SRD5A2: variants seen among roughly 807,000 people sequenced by gnomAD.
SRD5A2 encodes steroid 5 alpha-reductase 2, also known as 3-oxo-5-alpha-steroid 4-dehydrogenase 2.
Under a neutral mutation model 27.4 loss-of-function variants are expected in SRD5A2, and 30 were observed. The observed-to-expected ratio is 1.10, with a 90% CI of 0.82 to 1.49. The LOEUF (loss-of-function observed/expected upper bound fraction) is 1.49. Among genes scored for constraint, SRD5A2 ranks in the 40% most tolerant of loss-of-function variants. SRD5A2 has a pLI of 0.00. For missense variants in SRD5A2, 348 were observed against 323.4 expected (o/e 1.08, Z -0.58); for synonymous variants, 141 against 133.6 (o/e 1.06, Z -0.38).
At chr2:31,558,419 G>C (rs1318738074) in intron 1 of SRD5A2, among the ~76,000 whole-genome samples, 5 of 152,210 alleles carry the variant, frequency 3.3e-5, no homozygotes, top group Admixed American at 1.3e-4. Context: ...GCAGAGCCAT[G>C]CTTCCTCTAA....
chr2:31,582,758 T>G (rs1667103353), upstream of SRD5A2, among the ~76,000 whole-genome samples: 1 of 152,166 alleles, frequency 6.6e-6, no homozygotes, highest in Non-Finnish European at 1.5e-5. Context: ...CTCCACCCAC[T>G]TGGACCCAAA....
chr2:31,653,297 A>C, the SRD5A2 span, among the ~76,000 whole-genome samples: 3 of 152,150 alleles, frequency 2.0e-5, no homozygotes, highest in Admixed American at 2.0e-4. Context: ...TTGAGGTACA[A>C]GTACCAGCCA....
intron 4 of SRD5A2, among the ~76,000 whole-genome samples, chr2:31,528,041 A>C (rs924936325): frequency 6.6e-6 from 1 of 152,156 alleles, no homozygotes; most frequent in African/African-American, 2.4e-5. Flanking sequence ...TAACAACCTA[A>C]TATATTACCT....
At chr2:31,659,909 T>C in the SRD5A2 span, among the ~76,000 whole-genome samples, 1 of 152,174 alleles carries the variant, frequency 6.6e-6, no homozygotes, top group Non-Finnish European at 1.5e-5. Context: ...ATAGTCTTTT[T>C]ATTTTTCAAA....
the SRD5A2 span, among the ~76,000 whole-genome samples, chr2:31,627,907 T>G: frequency 6.6e-6 from 1 of 152,174 alleles, no homozygotes; most frequent in African/African-American, 2.4e-5. Context: ...GTAGTCAATT[T>G]TATAGTGTGT....
intron 4 of SRD5A2, 112 bp downstream of exon 4, chr2:31,529,195 T>C (rs184127687): frequency 3.9e-4 from 558 of 1,429,266 alleles, no homozygotes; most frequent in Admixed American, 1.2e-3. Context: ...GTATCAACCT[T>C]CCCTTAAAAA....
chr2:31,604,537 A>C, the SRD5A2 span, among the ~76,000 whole-genome samples: 3 of 151,898 alleles, frequency 2.0e-5, no homozygotes, highest in Non-Finnish European at 4.4e-5. Flanking sequence ...AGAAACAAAA[A>C]ATGTAATCCC....
chr2:31,585,270 G>C (rs1225093013), upstream of SRD5A2, among the ~76,000 whole-genome samples: 2 of 152,104 alleles, frequency 1.3e-5, no homozygotes, highest in African/African-American at 4.8e-5. Flanking sequence ...ACTGAACTAG[G>C]GCCAGAGACA....
At chr2:31,623,242 G>A in the SRD5A2 span, among the ~76,000 whole-genome samples, 3 of 151,956 alleles carry the variant, frequency 2.0e-5, no homozygotes, top group Admixed American at 6.6e-5. Context: ...TAAGAAAATC[G>A]CTCAAATTTT....
chr2:31,649,680 C>A, the SRD5A2 span, among the ~76,000 whole-genome samples: 1 of 151,912 alleles, frequency 6.6e-6, no homozygotes, highest in African/African-American at 2.4e-5. Flanking sequence ...TCATTCAACA[C>A]AATTTTCCCA....
chr2:31,553,643 T>G (rs1308432376), intron 1 of SRD5A2, among the ~76,000 whole-genome samples: 1 of 151,968 alleles, frequency 6.6e-6, no homozygotes, highest in Non-Finnish European at 1.5e-5. Flanking sequence ...TGAAGAAAAA[T>G]AAAACTGCCA....
chr2:31,627,191 G>A, the SRD5A2 span, among the ~76,000 whole-genome samples: 1 of 152,052 alleles, frequency 6.6e-6, no homozygotes, highest in East Asian at 1.9e-4. Flanking sequence ...ATTTCTTTGG[G>A]ATCAGTGGTG....
At chr2:31,540,188 T>C (rs1376920757) in intron 1 of SRD5A2, among the ~76,000 whole-genome samples, 2 of 152,080 alleles carry the variant, frequency 1.3e-5, no homozygotes, top group Non-Finnish European at 2.9e-5. Flanking sequence ...GAGATTCTCT[T>C]GTATCAAATC....
At chr2:31,604,516 C>A in the SRD5A2 span, among the ~76,000 whole-genome samples, 2 of 151,670 alleles carry the variant, frequency 1.3e-5, no homozygotes, top group African/African-American at 4.8e-5. Context: ...CAACAGTGAA[C>A]AATCTGGAAA....
At chr2:31,562,629 T>C (rs1487144765) in intron 1 of SRD5A2, among the ~76,000 whole-genome samples, 2 of 152,128 alleles carry the variant, frequency 1.3e-5, no homozygotes, top group African/African-American at 2.4e-5. Context: ...ATTTAAATAT[T>C]GTCCTGATAC....
the SRD5A2 span, among the ~76,000 whole-genome samples, chr2:31,632,719 T>C: frequency 3.9e-5 from 6 of 152,112 alleles, no homozygotes; most frequent in South Asian, 2.1e-4. Context: ...AGCCACAAAG[T>C]TGTGACTGAG....
At chr2:31,660,939 C>T in the SRD5A2 span, among the ~76,000 whole-genome samples, 2 of 151,996 alleles carry the variant, frequency 1.3e-5, no homozygotes, top group Non-Finnish European at 2.9e-5. Context: ...TTCATGGCCC[C>T]AAAAGAAGGG....
At chr2:31,578,637 TC>T (rs1667008603) in intron 1 of SRD5A2, among the ~76,000 whole-genome samples, 2 of 152,212 alleles carry the variant, frequency 1.3e-5, no homozygotes, top group African/African-American at 4.8e-5. Flanking sequence ...TCCCGATGCC[TC>T]AGGAACAAGT....
chr2:31,534,599 A>C (rs2148067544), intron 1 of SRD5A2, among the ~76,000 whole-genome samples: 1 of 152,338 alleles, frequency 6.6e-6, no homozygotes, highest in South Asian at 2.1e-4. Context: ...CTTACACAAA[A>C]ACACACACAC....
Sources: gnomAD v4.1 joint callset for allele counts (sites outside exome capture counted in the v4.1 genomes callset) on GRCh38, gnomAD v4.1.1 for gene constraint, MANE v1.5 for transcripts, NCBI Gene and HGNC (gene_info 2026-07-23, HGNC 2026-07-21) for gene names.